NFATC1: variants seen among roughly 807,000 people sequenced by gnomAD.
NFATC1 encodes the protein nuclear factor of activated T-cells, cytoplasmic 1.
In NFATC1, 22 loss-of-function variants were observed where a neutral mutation model predicts 76.0. The ratio of observed to expected loss-of-function variants is 0.29; its 90% CI spans 0.21 to 0.41. The LOEUF is 0.41. Among genes scored for constraint, NFATC1 ranks in the 10% least tolerant of loss-of-function variants. The probability of loss-of-function intolerance (pLI) is 1.00; values close to 1 mark genes in which losing one functional copy is unlikely to be tolerated. For missense variants in NFATC1, 1,357 were observed against 1,337.7 expected, an observed-to-expected ratio of 1.01 and a Z score of -0.23; for synonymous variants, 704 against 613.1, an observed-to-expected ratio of 1.15 and a Z score of -2.19.
intron 2 of NFATC1, among the ~76,000 whole-genome samples, chr18:79,430,457 A>T (rs762401363): frequency 6.6e-6 from 1 of 152,150 alleles, no homozygotes. Context: ...ATTTCGGCTC[A>T]CTGCAGCCTC....
rs2090687167 is a variant in NFATC1 at position 79,524,167 on chromosome 18, G to A, written c.2783-3361G>A. ...AAGTGCTCGTGGCGGGAAGGAGTTG[G>A]GGGGTGGGGGGGCGGTCCTGTCTTT... On this transcript the variant is annotated intron_variant, in intron 9 of 9. Coordinates refer to ENST00000427363, the MANE Select transcript of NFATC1 (RefSeq NM_001278669.2). The surrounding 1 kb of genome is among the most constrained non-coding windows in gnomAD (Gnocchi z 7.2). 1 of 152,286 alleles carries A rather than the reference G, an allele frequency of 6.6e-6. No homozygotes were observed. Among genetic ancestry groups the A allele is most frequent in the Admixed American group, 6.5e-5 (1 of 15,288 alleles). 9.4% of individuals were successfully genotyped at this position (152,286 alleles called of 1,614,324 possible). A position where few individuals can be genotyped will look rare whatever the true frequency, so the allele number is the denominator to read the frequency against.
At chr18:79,450,576 T>C (rs1231201056) in intron 4 of NFATC1, among the ~76,000 whole-genome samples, 1 of 152,128 alleles carries the variant, frequency 6.6e-6, no homozygotes, top group Non-Finnish European at 1.5e-5. Flanking sequence ...TCTGGTGACA[T>C]CCCCGTATAC....
chr18:79,396,069 A>T lies in NFATC1; in HGVS notation c.-156A>T. 1 of 912,554 alleles carries T rather than the reference A, an allele frequency of 1.1e-6. No homozygotes were observed. The highest frequency in any genetic ancestry group is 1.4e-6 in the Non-Finnish European group (1 of 725,952). The allele number at this position is 912,554 out of a possible 1,614,324, so 56.5% of individuals were successfully genotyped here. On this transcript the variant is annotated 5_prime_UTR_variant, in exon 1 of 10. Coordinates refer to ENST00000427363, the MANE Select transcript of NFATC1 (RefSeq NM_001278669.2). Reference sequence around the variant, plus strand: ...CCTAGGGCCGCGGCCGGGCCCCGCCACGCGCGCACACGCCCCTCGATGACT... The same window carrying T: ...CCTAGGGCCGCGGCCGGGCCCCGCCTCGCGCGCACACGCCCCTCGATGACT...
chr18:79,443,882 G>A (rs1031623033), intron 3 of NFATC1, among the ~76,000 whole-genome samples: 1 of 152,222 alleles, frequency 6.6e-6, no homozygotes, highest in African/African-American at 2.4e-5. Context: ...GAAAGCTGCT[G>A]TGGGTCCTGG....
intron 3 of NFATC1, chr18:79,448,493 C>A (rs1031700508): frequency 6.5e-6 from 3 of 462,520 alleles, no homozygotes; most frequent in South Asian, 2.8e-5. Context: ...CTGCACACGC[C>A]CCCTGCCAGC....
intron 2 of NFATC1, 108 bp downstream of exon 2, chr18:79,411,609 G>A (rs1183412435): frequency 8.7e-6 from 8 of 920,784 alleles, no homozygotes; most frequent in East Asian, 5.6e-5. Flanking sequence ...GTCTGGGGAC[G>A]AGAGTCAGGA....
intron 9 of NFATC1, among the ~76,000 whole-genome samples, chr18:79,510,096 G>A (rs1046881578): frequency 1.3e-5 from 2 of 152,242 alleles, no homozygotes; most frequent in Non-Finnish European, 2.9e-5. Flanking sequence ...GAAAACAGAA[G>A]AAATTAGTGC....
At chr18:79,434,776 C>T (rs919368046) in intron 3 of NFATC1, among the ~76,000 whole-genome samples, 9 of 152,346 alleles carry the variant, frequency 5.9e-5, no homozygotes, top group East Asian at 3.9e-4. Context: ...GGACAAATGG[C>T]TGTTTGCCAA....
chr18:79,428,166 G>A (rs1600684520), intron 2 of NFATC1, among the ~76,000 whole-genome samples: 1 of 152,306 alleles, frequency 6.6e-6, no homozygotes, highest in Non-Finnish European at 1.5e-5. Context: ...CGGGCCGGTG[G>A]GCAGGCTGGA....
intron 9 of NFATC1, chr18:79,493,728 C>G (rs1423949826): frequency 6.6e-6 from 1 of 152,234 alleles, no homozygotes; most frequent in African/African-American, 2.4e-5. Flanking sequence ...ATTGAAAGAG[C>G]CTGTGTGCCG....
intron 1 of NFATC1, among the ~76,000 whole-genome samples, chr18:79,401,802 AC>A (rs1600582573): frequency 6.6e-6 from 1 of 151,764 alleles, no homozygotes; most frequent in South Asian, 2.1e-4. Context: ...CTCCCAGTAC[AC>A]CCCCGGTCGT....
At chr18:79,440,163 C>A (rs999493325) in intron 3 of NFATC1, among the ~76,000 whole-genome samples, 1 of 152,208 alleles carries the variant, frequency 6.6e-6, no homozygotes, top group Non-Finnish European at 1.5e-5. Context: ...CCCAGATCCT[C>A]AGCCTCCAAA....
At position 79,423,682 on chromosome 18, in the gene NFATC1, G is replaced by A. The variant is rs376673821; in HGVS notation, c.1227-9897G>A. Among the ~76,000 whole-genome samples, 19 of 152,328 alleles carry A rather than the reference G, an allele frequency of 1.2e-4. No homozygotes were observed. The East Asian group carries it at 2.5e-3, about 20-fold the overall frequency. On this transcript the variant is annotated intron_variant, in intron 2 of 9. Transcript: ENST00000427363. Reference sequence around the variant, plus strand: ...CATCCTGAGCCTCACCCGGCGGGCAGGAGGGCCGGGCTGGGTGTCCCCATC... The same window carrying A: ...CATCCTGAGCCTCACCCGGCGGGCAAGAGGGCCGGGCTGGGTGTCCCCATC...
rs768725844 is a variant in NFATC1 at position 79,410,370 on chromosome 18, C to T, written c.128-33C>T. The T allele has an allele frequency of 3.8e-6, 6 of 1,572,984 alleles. No individual in the cohort carries two copies. Among genetic ancestry groups the T allele is most frequent in the African/African-American group, 2.7e-5 (2 of 74,330 alleles). On this transcript the variant is annotated intron_variant, in intron 1 of 9. Coordinates refer to ENST00000427363, the MANE Select transcript of NFATC1 (RefSeq NM_001278669.2). This position sits in a 1 kb window ranked among gnomAD's most constrained non-coding sequence, Gnocchi z 6.7. ...GTTTCTGCTTTGTGATGCCCAGCCC[C>T]TCATGCTCCCATCTGCTTCTTTTTC...
At chr18:79,435,070 T>C (rs1002808493) in intron 3 of NFATC1, among the ~76,000 whole-genome samples, 2 of 152,224 alleles carry the variant, frequency 1.3e-5, no homozygotes, top group South Asian at 4.1e-4. Flanking sequence ...CCTCGGTTTT[T>C]ACTGACCGAA....
chr18:79,486,551 C>T lies in NFATC1; in HGVS notation c.2396C>T (p.Ala799Val), dbSNP rs994159771. Residue 799 changes from alanine (A) to valine (V), a missense_variant, in exon 9 of 10, where the codon GCC (alanine) becomes GTC (valine). Around this residue, in one of 3 missense-constraint regions of NFATC1, gnomAD observed 424 missense variants for 395.4 expected, o/e 1.07. Coordinates refer to ENST00000427363, the MANE Select transcript of NFATC1 (RefSeq NM_001278669.2). ...GLPQPAGEAP[A>V]VQDVPRPVAT... ...CCGCAGCCGGCCGGAGAGGCCCCCG[C>T]CGTCCAGGACGTGCCCAGGCCAGTG... 2 of 1,594,674 alleles carry T rather than the reference C, an allele frequency of 1.3e-6. No homozygotes were observed. The highest frequency in any genetic ancestry group is 1.3e-5 in the African/African-American group (1 of 74,712).
chr18:79,508,380 C>T (rs1233348025), intron 9 of NFATC1, among the ~76,000 whole-genome samples: 2 of 152,014 alleles, frequency 1.3e-5, no homozygotes, highest in African/African-American at 2.4e-5. Flanking sequence ...CAGCGGCGTG[C>T]GTGTGAGGGT....
intron 8 of NFATC1, among the ~76,000 whole-genome samples, chr18:79,482,747 C>T (rs1229110839): frequency 2.2e-5 from 3 of 138,368 alleles, no homozygotes; most frequent in African/African-American, 8.1e-5. Flanking sequence ...AGGTGTCACT[C>T]CAGCGTGACC....
chr18:79,495,202 C>T (rs185725533), intron 9 of NFATC1, among the ~76,000 whole-genome samples: 9 of 152,382 alleles, frequency 5.9e-5, no homozygotes, highest in African/African-American at 2.2e-4. Flanking sequence ...TGTGAGGCCA[C>T]AGTGCCTCCG....
Sources: gnomAD v4.1 joint callset for allele counts (sites outside exome capture counted in the v4.1 genomes callset) on GRCh38, gnomAD v4.1.1 for gene constraint, gnomAD v4.1.1 regional missense constraint, Gnocchi (gnomAD v3.1) non-coding constraint, MANE v1.5 for transcripts, NCBI Gene and HGNC (gene_info 2026-07-23, HGNC 2026-07-21) for gene names.